LHX4: variants seen among roughly 807,000 people sequenced by gnomAD.
LHX4 encodes LIM homeobox 4.
LHX4 carries 16 observed loss-of-function variants against 39.2 expected under a neutral mutation model. The observed-to-expected ratio is 0.41, with a 90% confidence interval of 0.28 to 0.62. LHX4 has a LOEUF of 0.62. LHX4 is among the 20% of genes least tolerant of loss of function. The pLI is 0.33. For missense variants in LHX4, 439 were observed against 511.9 expected, an observed-to-expected ratio of 0.86 and a Z score of 1.37; for synonymous variants, 206 against 198.1, an observed-to-expected ratio of 1.04 and a Z score of -0.33.
chr1:180,248,511 C>T (rs756321995), intron 2 of LHX4, 55 bp downstream of exon 2: 16 of 1,593,726 alleles, frequency 1.0e-5, no homozygotes, highest in Non-Finnish European at 1.3e-5. Flanking sequence ...TCTCCCCAAG[C>T]AGTGAGGGGG....
chr1:180,266,265 G>A lies in LHX4; in HGVS notation c.249-127G>A. Reference sequence around the variant, plus strand: ...GAGAGGACCAGACGGTAAGCTCTGGGTGACTGGGGGGTGAGGCTCATGGAG... The same window carrying A: ...GAGAGGACCAGACGGTAAGCTCTGGATGACTGGGGGGTGAGGCTCATGGAG... On this transcript the variant is annotated intron_variant, in intron 2 of 5. Transcript: ENST00000263726. The surrounding 1 kb of genome is among the most constrained non-coding windows in gnomAD (Gnocchi z 5.7). 1.2e-6 allele frequency: 1 copy of A among 865,852 alleles called. No homozygotes were observed. Among genetic ancestry groups the A allele is most frequent in the East Asian group, 2.5e-5 (1 of 40,222 alleles). 53.6% of individuals were successfully genotyped at this position (865,852 alleles called of 1,614,324 possible).
intron 2 of LHX4, among the ~76,000 whole-genome samples, chr1:180,258,580 G>A (rs1271587281): frequency 6.6e-6 from 1 of 152,192 alleles, no homozygotes; most frequent in Admixed American, 6.5e-5. Context: ...TGTAGGTGCT[G>A]GCTGATGGCA....
At chr1:180,255,679 C>A (rs563139254) in intron 2 of LHX4, among the ~76,000 whole-genome samples, 1 of 152,338 alleles carries the variant, frequency 6.6e-6, no homozygotes, top group Non-Finnish European at 1.5e-5. Flanking sequence ...CCGAAGCTCC[C>A]CCAGGGACCG....
rs1051224858 is a variant in LHX4, at chr1:180,277,003, G to A, written c.*2424G>A. 1 of 152,170 alleles carries A rather than the reference G, an allele frequency of 6.6e-6. No homozygotes were observed. Among genetic ancestry groups the A allele is most frequent in the Non-Finnish European group, 1.5e-5 (1 of 68,032 alleles). The allele number at this position is 152,170 out of a possible 1,614,324, so 9.4% of individuals were successfully genotyped here. A position where few individuals can be genotyped will look rare whatever the true frequency, so the allele number is the denominator to read the frequency against. On this transcript the variant is annotated 3_prime_UTR_variant, in exon 6 of 6. Transcript: ENST00000263726. Reference sequence around the variant, plus strand: ...CTCTTGAGGAACTCAGTGAGCAGTTGACGAGGTCAATAGTTCTTTGGCATC... The same window carrying A: ...CTCTTGAGGAACTCAGTGAGCAGTTAACGAGGTCAATAGTTCTTTGGCATC...
chr1:180,265,930 A>C (rs1252048049), intron 2 of LHX4, among the ~76,000 whole-genome samples: 1 of 152,136 alleles, frequency 6.6e-6, no homozygotes, highest in Non-Finnish European at 1.5e-5. Flanking sequence ...CCTCCCTGGG[A>C]GTGTGTGAAA....
At position 180,274,774 on chromosome 1, in the gene LHX4, G is replaced by C; in HGVS notation, c.*195G>C. 1 of 636,530 alleles carries C rather than the reference G, an allele frequency of 1.6e-6. No individual in the cohort carries two copies. The highest frequency in any genetic ancestry group is 2.6e-6 in the Non-Finnish European group (1 of 377,884). 39.4% of individuals were successfully genotyped at this position (636,530 alleles called of 1,614,324 possible). The stretch of plus-strand genomic sequence containing the variant: ...GTTTCCCTGGGGAAGCAGTGGGAGA[G>C]CAGACTCATCTCAGAACACAGCACA... On this transcript the variant is annotated 3_prime_UTR_variant, in exon 6 of 6. Transcript: ENST00000263726.
chr1:180,277,983 A>C lies in LHX4; in HGVS notation c.*3404A>C, dbSNP rs1221344088. On this transcript the variant is annotated 3_prime_UTR_variant, in exon 6 of 6. Coordinates refer to ENST00000263726, the MANE Select transcript of LHX4 (RefSeq NM_033343.4). ...AAGTGTAAGAAATCTGTAAAACAAA[A>C]GACATTCCTATCTCAGAAGCTCAAA... The C allele has an allele frequency of 1.3e-5, 2 of 152,204 alleles. No individual in the cohort carries two copies. Among genetic ancestry groups the C allele is most frequent in the African/African-American group, 4.8e-5 (2 of 41,450 alleles). The allele number at this position is 152,204 out of a possible 1,614,324, so 9.4% of individuals were successfully genotyped here.
chr1:180,259,620 G>A (rs1039558409), intron 2 of LHX4, among the ~76,000 whole-genome samples: 5 of 151,556 alleles, frequency 3.3e-5, no homozygotes, highest in Admixed American at 6.5e-5. Context: ...TCTGACCCCC[G>A]GCCCCCGAGG....
chr1:180,233,780 C>A (rs1180689435), intron 1 of LHX4, among the ~76,000 whole-genome samples: 1 of 152,108 alleles, frequency 6.6e-6, no homozygotes, highest in Non-Finnish European at 1.5e-5. Flanking sequence ...GGGGTCTCCG[C>A]TGGGGGTGGT....
chr1:180,229,208 C>A (rs1331197504), upstream of LHX4, among the ~76,000 whole-genome samples: 1 of 151,558 alleles, frequency 6.6e-6, no homozygotes, highest in Non-Finnish European at 1.5e-5. Context: ...TGCTCACTGC[C>A]GCCCTGCACG....
chr1:180,263,276 A>G (rs1275672599), intron 2 of LHX4, among the ~76,000 whole-genome samples: 2 of 152,148 alleles, frequency 1.3e-5, no homozygotes, highest in East Asian at 3.9e-4. Context: ...GTGTCTCATT[A>G]TTGCCTGTCG....
intron 3 of LHX4, among the ~76,000 whole-genome samples, chr1:180,267,162 T>G (rs1648352527): frequency 6.6e-6 from 1 of 152,206 alleles, no homozygotes; most frequent in African/African-American, 2.4e-5. Flanking sequence ...CAGTGAGTGC[T>G]AAAAGAAGAG....
At chr1:180,258,552 A>G (rs1242472196) in intron 2 of LHX4, among the ~76,000 whole-genome samples, 2 of 152,122 alleles carry the variant, frequency 1.3e-5, no homozygotes, top group Admixed American at 6.5e-5. Flanking sequence ...GGAAGCGGGG[A>G]GACTGTTAGG....
chr1:180,271,464 C>T lies in LHX4; in HGVS notation c.536C>T (p.Ser179Phe). 2 of 1,614,170 alleles carry T rather than the reference C, an allele frequency of 1.2e-6. No homozygotes were observed. The highest frequency in any genetic ancestry group is 1.7e-6 in the Non-Finnish European group (2 of 1,180,020). Reference protein sequence around the residue: ...LETLKNAYKNSPKPARHVREQ... With the variant: ...LETLKNAYKNFPKPARHVREQ... ...ACATTAAAGAATGCATACAAGAACT[C>T]CCCCAAGCCTGCCCGGCACGTGAGG... The change falls in exon 4 of 6, where the codon TCC (serine) becomes TTC (phenylalanine). Residue 179 changes from serine (S) to phenylalanine (F), a missense_variant. By Grantham distance (155) the Ser-to-Phe change is radical (BLOSUM62 -2). Coordinates refer to ENST00000263726, the MANE Select transcript of LHX4 (RefSeq NM_033343.4).
chr1:180,231,064 A>C (rs530665714), intron 1 of LHX4, among the ~76,000 whole-genome samples: 46 of 152,044 alleles, frequency 3.0e-4, no homozygotes, highest in Admixed American at 2.3e-3. Flanking sequence ...CTGGCGGCGG[A>C]GAAGCCCCGG....
chr1:180,263,988 G>A (rs1292075758), intron 2 of LHX4, among the ~76,000 whole-genome samples: 2 of 152,130 alleles, frequency 1.3e-5, no homozygotes, highest in East Asian at 1.9e-4. Context: ...TTTAGAGACA[G>A]GGTCTCGCTC....
chr1:180,231,890 T>G (rs992309699), intron 1 of LHX4, among the ~76,000 whole-genome samples: 7 of 152,124 alleles, frequency 4.6e-5, no homozygotes, highest in African/African-American at 1.7e-4. Context: ...GGGAAGTTTT[T>G]GAGAAGGGAC....
intron 2 of LHX4, among the ~76,000 whole-genome samples, chr1:180,257,774 C>T (rs976089035): frequency 2.6e-5 from 4 of 152,162 alleles, no homozygotes; most frequent in South Asian, 2.1e-4. Flanking sequence ...GACGGTGCAC[C>T]GTTCCATGGC....
At position 180,271,478 on chromosome 1, in the gene LHX4, C is replaced by G; in HGVS notation, c.550C>G (p.Arg184Gly). 6.2e-7 allele frequency: 1 copy of G among 1,614,160 alleles called. No individual in the cohort carries two copies. Among genetic ancestry groups the G allele is most frequent in the South Asian group, 1.1e-5 (1 of 91,090 alleles). Residue 184 changes from arginine (R) to glycine (G), a missense_variant, in exon 4 of 6, where the codon CGG becomes GGG. Physicochemically the swap from Arg to Gly is moderately radical, Grantham distance 125. Coordinates refer to ENST00000263726, the MANE Select transcript of LHX4 (RefSeq NM_033343.4). Reference protein sequence around the residue: ...NAYKNSPKPARHVREQLSSET... With the variant: ...NAYKNSPKPAGHVREQLSSET... ...ATACAAGAACTCCCCCAAGCCTGCC[C>G]GGCACGTGAGGGAGCAGCTGTCCTC...
Sources: gnomAD v4.1 joint callset for allele counts (sites outside exome capture counted in the v4.1 genomes callset) on GRCh38, gnomAD v4.1.1 for gene constraint, Gnocchi (gnomAD v3.1) non-coding constraint, MANE v1.5 for transcripts, NCBI Gene and HGNC (gene_info 2026-07-23, HGNC 2026-07-21) for gene names.